ZNF208: variants seen among roughly 807,000 people sequenced by gnomAD.
ZNF208 encodes the protein zinc finger protein 208, also known as zinc finger protein 95.
In ZNF208, 10 loss-of-function variants were observed where a neutral mutation model predicts 12.1. The ratio of observed to expected loss-of-function variants is 0.83; its 90% CI spans 0.51 to 1.40. The LOEUF is 1.40. Among genes scored for constraint, ZNF208 ranks in the 40% most tolerant of loss-of-function variants. The pLI, the probability that ZNF208 is intolerant of heterozygous loss-of-function variation, is 0.00. For missense variants in ZNF208, 1,652 were observed against 1,485.0 expected, an observed-to-expected ratio of 1.11 and a Z score of -1.85; for synonymous variants, 497 against 488.4, an observed-to-expected ratio of 1.02 and a Z score of -0.23.
intron 1 of ZNF208, among the ~76,000 whole-genome samples, chr19:22,005,839 T>C (rs1309657724): frequency 6.6e-6 from 1 of 152,186 alleles, no homozygotes; most frequent in Non-Finnish European, 1.5e-5. Context: ...AGCATATAGA[T>C]AATAAATAGC....
chr19:21,985,023 TC>T (rs775314011), intron 3 of ZNF208, among the ~76,000 whole-genome samples: 19 of 151,892 alleles, frequency 1.3e-4, no homozygotes, highest in Non-Finnish European at 2.2e-4. Context: ...ACCAAATCAT[TC>T]AGTAAATATA....
rs574211220 is a variant in ZNF208 at position 21,994,705 on chromosome 19, A to G, written c.4-5796T>C. On this transcript the variant is annotated intron_variant, in intron 1 of 3. Transcript: ENST00000397126. The stretch of plus-strand genomic sequence containing the variant: ...CTAGAATAATTTTTTTAGAAGAAAA[A>G]TAAGTATTCTTAGCAGGGTAAAAGA... Among the ~76,000 whole-genome samples, 44 of 152,306 alleles carry G rather than the reference A, an allele frequency of 2.9e-4. No individual in the cohort carries two copies. The South Asian group carries it at 8.9e-3, about 31-fold the overall frequency.
rs944868516 is a variant in ZNF208, at chr19:21,970,186, G to T, written c.*1005C>A. ...CATTGTCACATCTTTCAGGTTTGTA[G>T]AGTCTCTCTTGTGTATGAATTAGCT... On this transcript the variant is annotated 3_prime_UTR_variant, in exon 4 of 4. Transcript: ENST00000397126. Among the ~76,000 whole-genome samples the T allele has an allele frequency of 6.6e-6, 1 of 152,176 alleles. No homozygotes were observed. Among genetic ancestry groups the T allele is most frequent in the South Asian group, 2.1e-4 (1 of 4,830 alleles).
At position 21,972,855 on chromosome 19, in the gene ZNF208, C is replaced by T. The variant is rs1970329196; in HGVS notation, c.2179G>A (p.Gly727Ser). 1.9e-6 allele frequency: 3 copies of T among 1,613,010 alleles called. No homozygotes were observed. Among genetic ancestry groups the T allele is most frequent in the East Asian group, 4.5e-5 (2 of 44,802 alleles). The change falls in exon 4 of 4, where the codon GGC (glycine) becomes AGC (serine). Residue 727 changes from glycine to serine, a missense_variant. By Grantham distance (56) the Gly-to-Ser change is moderately conservative. This residue lies in a region of ZNF208 where 1,239 missense variants were observed against 1,086.2 expected (regional missense o/e 1.14). Coordinates refer to ENST00000397126, the MANE Select transcript of ZNF208 (RefSeq NM_007153.3). ...ACTGAGAATGTACTAAAGCTTTTGC[C>T]ACATTCTTCACATTTGTAGGGTTTC... ...GEKPYKCEEC[G>S]KSFSTFSVLT...
intron 4 of ZNF208, chr19:21,940,567 ACTCT>A (rs920851080): frequency 6.6e-6 from 1 of 151,658 alleles, no homozygotes; most frequent in Non-Finnish European, 1.5e-5. Context: ...TGCCAGTTCT[ACTCT>A]CTCTCTCTAT....
intron 1 of ZNF208, among the ~76,000 whole-genome samples, chr19:22,002,710 T>C (rs1970973748): frequency 6.6e-6 from 1 of 151,968 alleles, no homozygotes; most frequent in Non-Finnish European, 1.5e-5. Flanking sequence ...CACAAACAAA[T>C]GGAAAGCAAC....
chr19:21,984,521 C>T (rs978587434), intron 3 of ZNF208, among the ~76,000 whole-genome samples: 1 of 152,018 alleles, frequency 6.6e-6, no homozygotes, highest in African/African-American at 2.4e-5. Flanking sequence ...CCATTGCACT[C>T]CAGCCTGGTG....
chr19:21,974,888 A>T lies in ZNF208; in HGVS notation c.227-81T>A, dbSNP rs1318616986. On this transcript the variant is annotated intron_variant, in intron 3 of 3. Coordinates refer to ENST00000397126, the MANE Select transcript of ZNF208 (RefSeq NM_007153.3). The stretch of plus-strand genomic sequence containing the variant: ...GTTTCTAAATCTAAACTATAAAATT[A>T]TTCAAACTACATAAGCAAGATGACA... The T allele has an allele frequency of 3.5e-6, 5 of 1,414,394 alleles. No homozygotes were observed. In the African/African-American group the frequency reaches 7.2e-5, roughly 20 times the overall value. The allele number at this position is 1,414,394 out of a possible 1,614,324, so 87.6% of individuals were successfully genotyped here.
chr19:21,992,548 AT>A (rs1970759962), intron 1 of ZNF208, among the ~76,000 whole-genome samples: 1 of 152,214 alleles, frequency 6.6e-6, no homozygotes, highest in Non-Finnish European at 1.5e-5. Context: ...CAGAGACATA[AT>A]AAAGAACACA....
At chr19:21,994,664 A>T (rs1970798057) in intron 1 of ZNF208, among the ~76,000 whole-genome samples, 1 of 152,144 alleles carries the variant, frequency 6.6e-6, no homozygotes, top group Non-Finnish European at 1.5e-5. Flanking sequence ...TTCAAAAAAA[A>T]ATCCCTTAAG....
rs1970204054 is a variant in ZNF208, at chr19:21,968,037, A to G, written c.*3154T>C. 6.6e-6 allele frequency: 1 copy of G among 151,942 alleles called. No individual in the cohort carries two copies. Among genetic ancestry groups the G allele is most frequent in the Non-Finnish European group, 1.5e-5 (1 of 67,978 alleles). 9.4% of individuals were successfully genotyped at this position (151,942 alleles called of 1,614,324 possible). A position where few individuals can be genotyped will look rare whatever the true frequency, so the allele number is the denominator to read the frequency against. On this transcript the variant is annotated 3_prime_UTR_variant, in exon 4 of 4. Transcript: ENST00000397126. ...GAGCTGTGTTTTTTATTTTGTTCTC[A>G]GTTTGAATATTATTGGTGTACAGAA...
At chr19:21,950,318 C>G (rs370823563) in intron 4 of ZNF208, among the ~76,000 whole-genome samples, 1 of 152,070 alleles carries the variant, frequency 6.6e-6, no homozygotes, top group Non-Finnish European at 1.5e-5. Context: ...CCTCTGGTGG[C>G]CTGGGACTCC....
At chr19:21,982,900 C>T (rs1599622164) in intron 3 of ZNF208, among the ~76,000 whole-genome samples, 1 of 152,142 alleles carries the variant, frequency 6.6e-6, no homozygotes, top group Non-Finnish European at 1.5e-5. Flanking sequence ...ACACTGCAAA[C>T]CATAAAAACC....
intron 4 of ZNF208, among the ~76,000 whole-genome samples, chr19:21,947,341 G>C (rs1969830222): frequency 6.6e-6 from 1 of 152,110 alleles, no homozygotes; most frequent in Non-Finnish European, 1.5e-5. Context: ...TATGAGACAA[G>C]TTCATTTTTG....
At position 21,970,161 on chromosome 19, in the gene ZNF208, C is replaced by G. The variant is rs1970252598; in HGVS notation, c.*1030G>C. 6.6e-6 allele frequency among the ~76,000 whole-genome samples: 1 copy of G among 152,172 alleles called. No individual in the cohort carries two copies. Reference sequence around the variant, plus strand: ...GAAAAGTCTGAGGTGTTGCCAAAAGCATTGTCACATCTTTCAGGTTTGTAG... The same window carrying G: ...GAAAAGTCTGAGGTGTTGCCAAAAGGATTGTCACATCTTTCAGGTTTGTAG... On this transcript the variant is annotated 3_prime_UTR_variant, in exon 4 of 4. Transcript: ENST00000397126.
chr19:22,005,991 C>T (rs1477200486), intron 1 of ZNF208, among the ~76,000 whole-genome samples: 2 of 151,914 alleles, frequency 1.3e-5, no homozygotes, highest in Non-Finnish European at 2.9e-5. Flanking sequence ...TCTTCTTCTT[C>T]TCATTAAAAA....
chr19:21,967,215 GTTGT>G lies in ZNF208; in HGVS notation c.*3972_*3975del, dbSNP rs1177227950. 6.6e-6 allele frequency: 1 copy of G among 151,442 alleles called. No individual in the cohort carries two copies. Among genetic ancestry groups the G allele is most frequent in the Admixed American group, 6.6e-5 (1 of 15,202 alleles). 9.4% of individuals were successfully genotyped at this position (151,442 alleles called of 1,614,324 possible). Reference sequence around the variant, plus strand: ...AGATCAAGTCTTTAATCTATATTGAGTTGTTTTTTTTTTATAGAAAAAGGTAGTA... The same window carrying G: ...AGATCAAGTCTTTAATCTATATTGAGTTTTTTTTTATAGAAAAAGGTAGTA... On this transcript the variant is annotated 3_prime_UTR_variant, in exon 4 of 4. Coordinates refer to ENST00000397126, the MANE Select transcript of ZNF208 (RefSeq NM_007153.3).
chr19:21,955,880 G>C (rs1188632522), intron 4 of ZNF208, among the ~76,000 whole-genome samples: 1 of 152,182 alleles, frequency 6.6e-6, no homozygotes, highest in Non-Finnish European at 1.5e-5. Flanking sequence ...TTGCTGGTGA[G>C]GAACTGCATT....
At chr19:21,998,834 ACCAG>A (rs1369004428) in intron 1 of ZNF208, 4 of 152,212 alleles carry the variant, frequency 2.6e-5, no homozygotes, top group Non-Finnish European at 5.9e-5. Context: ...GACAACTTCC[ACCAG>A]CACTTTTTTA....
Sources: gnomAD v4.1 joint callset for allele counts (sites outside exome capture counted in the v4.1 genomes callset) on GRCh38, gnomAD v4.1.1 for gene constraint, gnomAD v4.1.1 regional missense constraint, MANE v1.5 for transcripts, NCBI Gene and HGNC (gene_info 2026-07-23, HGNC 2026-07-21) for gene names.